WDR70: variants seen among roughly 807,000 people sequenced by gnomAD.
WDR70 encodes the protein WD repeat domain 70.
WDR70 carries 53 observed loss-of-function variants against 88.6 expected under a neutral mutation model. That is an observed-to-expected ratio of 0.60 (90% CI 0.48 to 0.75). The LOEUF (loss-of-function observed/expected upper bound fraction) is 0.75, where lower values mean the gene tolerates loss of function less well. WDR70 is among the 30% of genes least tolerant of loss of function. WDR70 has a pLI of 0.00. For synonymous variants in WDR70, 280 were observed against 270.0 expected, an observed-to-expected ratio of 1.04 and a Z score of -0.36; for missense variants, 610 against 823.2, an observed-to-expected ratio of 0.74 and a Z score of 3.17.
intron 13 of WDR70, among the ~76,000 whole-genome samples, chr5:37,712,328 TATTTTAA>T: frequency 6.6e-6 from 1 of 152,246 alleles, no homozygotes; most frequent in Admixed American, 6.5e-5. Flanking sequence ...AGTATACATT[TATTTTAA>T]TTGTCTACTA....
intron 9 of WDR70, among the ~76,000 whole-genome samples, chr5:37,519,163 G>A (rs2112265749): frequency 6.6e-6 from 1 of 152,178 alleles, no homozygotes; most frequent in Non-Finnish European, 1.5e-5. Context: ...CGACAAAACT[G>A]CCATCGTCAT....
At chr5:37,557,901 A>ATACTCTTTTGAAAACTCTTAAAAAGAG (rs1742340650) in intron 9 of WDR70, among the ~76,000 whole-genome samples, 1 of 30,806 alleles carries the variant, frequency 3.2e-5, no homozygotes, top group African/African-American at 1.1e-4. Flanking sequence ...CTTCAGATTT[A>ATACTCTTTTGAAAACTCTTAAAAAGAG]TACTCTTTTG....
intron 10 of WDR70, among the ~76,000 whole-genome samples, chr5:37,646,020 T>G (rs1745224091): frequency 6.6e-6 from 1 of 151,394 alleles, no homozygotes; most frequent in South Asian, 2.1e-4. Flanking sequence ...TTAAAAAAAT[T>G]TTTTTTGTGG....
At position 37,503,091 on chromosome 5, in the gene WDR70, T is replaced by A. The variant is rs566838801; in HGVS notation, c.841-13423T>A. Among the ~76,000 whole-genome samples, 9 of 152,278 alleles carry A rather than the reference T, an allele frequency of 5.9e-5. No homozygotes were observed. The South Asian group carries it at 1.9e-3, about 32-fold the overall frequency. ...TTTTTGATGGGCTGCTGGATTACGT[T>A]TGTTAGTGTTTTGTTGATTTTTGCG... On this transcript the variant is annotated intron_variant, in intron 8 of 17. Coordinates refer to ENST00000265107, the MANE Select transcript of WDR70 (RefSeq NM_018034.4).
At chr5:37,413,380 A>C (rs1291671952) in intron 5 of WDR70, among the ~76,000 whole-genome samples, 3 of 152,192 alleles carry the variant, frequency 2.0e-5, no homozygotes, top group Non-Finnish European at 4.4e-5. Context: ...ATGCAGAAAA[A>C]TTCTCTCAAA....
chr5:37,489,038 A>G (rs1739983355), intron 8 of WDR70, among the ~76,000 whole-genome samples: 1 of 152,180 alleles, frequency 6.6e-6, no homozygotes, highest in African/African-American at 2.4e-5. Flanking sequence ...TGTAGTCTCC[A>G]TATGACTTCT....
chr5:37,674,018 T>C (rs1163252719), intron 10 of WDR70, among the ~76,000 whole-genome samples: 2 of 152,196 alleles, frequency 1.3e-5, no homozygotes, highest in Non-Finnish European at 2.9e-5. Context: ...CAGTCTATCA[T>C]TGATGGGCAT....
chr5:37,495,721 T>G (rs529906648), intron 8 of WDR70, among the ~76,000 whole-genome samples: 1 of 152,328 alleles, frequency 6.6e-6, no homozygotes, highest in Admixed American at 6.5e-5. Context: ...AGTCACTAAC[T>G]GTTCTTTAAT....
intron 10 of WDR70, among the ~76,000 whole-genome samples, chr5:37,677,763 G>C (rs1317439980): frequency 6.6e-6 from 1 of 152,194 alleles, no homozygotes; most frequent in African/African-American, 2.4e-5. Flanking sequence ...GCTTGGTGCA[G>C]AGCTGAGTTC....
chr5:37,609,228 G>A (rs561822305), intron 10 of WDR70, among the ~76,000 whole-genome samples: 7 of 152,210 alleles, frequency 4.6e-5, no homozygotes, highest in East Asian at 3.9e-4. Flanking sequence ...CTGTATATGT[G>A]ACTGATTTTG....
rs1747148334 is a variant in WDR70, at chr5:37,701,087, C to T, written c.1222C>T (p.Arg408Ter). 1 of 1,612,276 alleles carries T rather than the reference C, an allele frequency of 6.2e-7. No individual in the cohort carries two copies. The highest frequency in any genetic ancestry group is 8.5e-7 in the Non-Finnish European group (1 of 1,178,638). Reference sequence around the variant, plus strand: ...CGATTCATTAAAATTATGGGACATCCGACAATTTAATAAACCACTTTTTTC... The same window carrying T: ...CGATTCATTAAAATTATGGGACATCTGACAATTTAATAAACCACTTTTTTC... ...GDDSLKLWDI[R>*]QFNKPLFSAS... The change falls in exon 12 of 18, where the codon CGA becomes TGA. Residue 408 changes from arginine to a stop codon, truncating the protein, a stop_gained. Transcript: ENST00000265107. LOFTEE classifies it high-confidence loss of function.
At chr5:37,487,627 A>ATTTTTTTTTTTTT (rs70978825) in intron 8 of WDR70, among the ~76,000 whole-genome samples, 2 of 69,070 alleles carry the variant, frequency 2.9e-5, no homozygotes, top group Admixed American at 1.6e-4. Flanking sequence ...ATATATATGT[A>ATTTTTTTTTTTTT]TTTTTTTTTT....
At chr5:37,505,883 C>G (rs1202466915) in intron 8 of WDR70, 1 of 1,351,296 alleles carries the variant, frequency 7.4e-7, no homozygotes, top group Admixed American at 1.7e-5. Context: ...TAGCCACTCT[C>G]AAGTTAATTC....
chr5:37,672,636 T>C (rs1343601889), intron 10 of WDR70, among the ~76,000 whole-genome samples: 3 of 152,190 alleles, frequency 2.0e-5, no homozygotes, highest in African/African-American at 7.2e-5. Flanking sequence ...CATATTTTCC[T>C]GCTGACCTTC....
intron 8 of WDR70, among the ~76,000 whole-genome samples, chr5:37,500,473 C>T (rs982126554): frequency 4.6e-5 from 7 of 152,176 alleles, no homozygotes; most frequent in African/African-American, 1.4e-4. Flanking sequence ...ATTGTTGGAT[C>T]GAACGGTAGA....
At chr5:37,459,037 C>G (rs1222555834) in intron 7 of WDR70, among the ~76,000 whole-genome samples, 6 of 16,780 alleles carry the variant, frequency 3.6e-4, no homozygotes, top group Non-Finnish European at 8.3e-4. Flanking sequence ...TCTTTGTTCT[C>G]GTTGGTTTCA....
At chr5:37,408,197 C>T (rs570472489) in intron 5 of WDR70, among the ~76,000 whole-genome samples, 4 of 152,068 alleles carry the variant, frequency 2.6e-5, no homozygotes, top group Admixed American at 6.6e-5. Flanking sequence ...CAAGGTCAAG[C>T]GCAGTGGCTC....
intron 8 of WDR70, among the ~76,000 whole-genome samples, chr5:37,503,907 T>A (rs1393061424): frequency 2.6e-5 from 4 of 152,286 alleles, no homozygotes; most frequent in Non-Finnish European, 5.9e-5. Context: ...TTTGTGTGCA[T>A]AGAGGTGTTC....
At chr5:37,697,583 TG>T in intron 10 of WDR70, 71 bp from the exon 11 acceptor site, 2 of 1,201,574 alleles carry the variant, frequency 1.7e-6, no homozygotes. Flanking sequence ...TAAAGTGAAA[TG>T]TTCTTGCCAC....
Sources: gnomAD v4.1 joint callset for allele counts (sites outside exome capture counted in the v4.1 genomes callset) on GRCh38, gnomAD v4.1.1 for gene constraint, MANE v1.5 for transcripts, NCBI Gene and HGNC (gene_info 2026-07-23, HGNC 2026-07-21) for gene names.